TMIGD3: variants seen among roughly 807,000 people sequenced by gnomAD.
TMIGD3 encodes AD026 protein (AD026).
In TMIGD3, 21 loss-of-function variants were observed where a neutral mutation model predicts 28.1. The ratio of observed to expected loss-of-function variants is 0.75; its 90% CI spans 0.53 to 1.08. The LOEUF (loss-of-function observed/expected upper bound fraction) is 1.08, where lower values mean the gene tolerates loss of function less well. Among genes scored for constraint, TMIGD3 ranks in the 50% least tolerant of loss-of-function variants. TMIGD3 has a pLI of 0.00. For missense variants in TMIGD3, 416 were observed against 435.6 expected, an observed-to-expected ratio of 0.96 and a Z score of 0.40; for synonymous variants, 151 against 162.1, an observed-to-expected ratio of 0.93 and a Z score of 0.52.
At chr1:111,493,044 ATAACT>A (rs1301443796) in intron 1 of TMIGD3, among the ~76,000 whole-genome samples, 1 of 152,238 alleles carries the variant, frequency 6.6e-6, no homozygotes, top group Non-Finnish European at 1.5e-5. Context: ...TGTAGATGAA[ATAACT>A]TAATATCTAA....
intron 1 of TMIGD3, among the ~76,000 whole-genome samples, chr1:111,502,201 AAATATATAGGATATATATTTATTATAATG>A (rs1655243699): frequency 1.3e-4 from 3 of 23,162 alleles, no homozygotes; most frequent in African/African-American, 3.7e-4. Flanking sequence ...ATATTATAAT[AAATATATAGGATATATATTTATTATAATG>A]AATATATAGG....
In TMIGD3 at chr1:111,503,082, A is replaced by T. The variant is rs1655333376; in HGVS notation, c.273T>A (p.Leu91=). Residue 91 remains leucine (L), a synonymous_variant, in exon 1 of 6, where the codon CTT becomes CTA. Transcript: ENST00000369716. ...YSCLFMTCLL[L]IFTHASIMSL... is the part of the protein sequence containing the mutation. ...ACATGATGGAGGCGTGGGTAAAGAT[A>T]AGCAGTAGGCAAGTCATAAAAAGGC... 6.2e-7 allele frequency: 1 copy of T among 1,614,108 alleles called. No homozygotes were observed. The highest frequency in any genetic ancestry group is 1.3e-5 in the African/African-American group (1 of 74,934).
chr1:111,513,399 A>G (rs979177636), intron 1 of TMIGD3, among the ~76,000 whole-genome samples: 2 of 152,254 alleles, frequency 1.3e-5, no homozygotes, highest in Non-Finnish European at 2.9e-5. Flanking sequence ...TTTAATTTGC[A>G]TTACATTTAT....
chr1:111,562,692 C>A (rs764411359), intron 1 of TMIGD3, among the ~76,000 whole-genome samples: 4 of 152,194 alleles, frequency 2.6e-5, no homozygotes, highest in Non-Finnish European at 5.9e-5. Context: ...CATTGTGAAT[C>A]CAAGAAAATA....
intron 1 of TMIGD3, among the ~76,000 whole-genome samples, chr1:111,553,799 C>A (rs1657373074): frequency 6.6e-6 from 1 of 152,136 alleles, no homozygotes; most frequent in East Asian, 1.9e-4. Context: ...CCTATTTAGT[C>A]AACTCAAATC....
intron 1 of TMIGD3, among the ~76,000 whole-genome samples, chr1:111,520,812 A>C (rs1277293422): frequency 6.6e-6 from 1 of 152,236 alleles, no homozygotes; most frequent in Non-Finnish European, 1.5e-5. Flanking sequence ...TAGTAATCTG[A>C]AATGAATTCT....
chr1:111,543,742 G>A (rs1173699622), intron 1 of TMIGD3, among the ~76,000 whole-genome samples: 1 of 151,818 alleles, frequency 6.6e-6, no homozygotes, highest in African/African-American at 2.4e-5. Context: ...GAAGAGGAGG[G>A]AAGAAGCCCT....
At chr1:111,529,658 C>T (rs561803333) in intron 1 of TMIGD3, among the ~76,000 whole-genome samples, 1 of 151,200 alleles carries the variant, frequency 6.6e-6, no homozygotes, top group African/African-American at 2.4e-5. Context: ...GGATACAGCA[C>T]ATGTTTCAGA....
Position 111,490,713 on chromosome 1 carries a change from C to G in TMIGD3, c.400G>C (p.Val134Leu). The G allele has an allele frequency of 6.2e-7, 1 of 1,614,098 alleles. No individual in the cohort carries two copies. Among genetic ancestry groups the G allele is most frequent in the Non-Finnish European group, 8.5e-7 (1 of 1,180,028 alleles). ...PGCILSFQLK[V>L]CFLPVMWLFI... The stretch of plus-strand genomic sequence containing the variant: ...AGCCACATGACTGGAAGGAAGCAAA[C>G]TTTCAACTGGAATGATAGAATGCAC... Residue 134 changes from valine to leucine, a missense_variant, in exon 2 of 6, where the codon GTT becomes CTT. Coordinates refer to ENST00000369716, the MANE Select transcript of TMIGD3 (RefSeq NM_020683.7).
At chr1:111,559,083 A>T (rs531350403) in intron 1 of TMIGD3, among the ~76,000 whole-genome samples, 2 of 152,184 alleles carry the variant, frequency 1.3e-5, no homozygotes, top group African/African-American at 4.8e-5. Context: ...TTTAAAAAAC[A>T]TGTATTTAAA....
At chr1:111,486,226 C>T (rs1024567098) in intron 4 of TMIGD3, among the ~76,000 whole-genome samples, 6 of 152,124 alleles carry the variant, frequency 3.9e-5, no homozygotes, top group African/African-American at 1.2e-4. Context: ...CACACAGATT[C>T]GAAGCAGATT....
chr1:111,530,389 CTATA>C (rs1656420759), intron 1 of TMIGD3, among the ~76,000 whole-genome samples: 1 of 151,536 alleles, frequency 6.6e-6, no homozygotes, highest in South Asian at 2.1e-4. Context: ...TTATATTTAC[CTATA>C]TATTTACCAT....
intron 1 of TMIGD3, among the ~76,000 whole-genome samples, chr1:111,502,164 T>A (rs1400358475): frequency 3.1e-5 from 1 of 32,460 alleles, no homozygotes; most frequent in Non-Finnish European, 7.3e-5. Context: ...GGATATATAT[T>A]TATTATAATA....
intron 1 of TMIGD3, among the ~76,000 whole-genome samples, chr1:111,559,013 C>T (rs1261870161): frequency 6.6e-6 from 1 of 152,034 alleles, no homozygotes; most frequent in African/African-American, 2.4e-5. Context: ...TCCCAGAGAC[C>T]AAGTTCTCTG....
intron 1 of TMIGD3, chr1:111,500,472 G>C: frequency 6.2e-7 from 1 of 1,614,142 alleles, no homozygotes; most frequent in Non-Finnish European, 8.5e-7. Context: ...AGCCAAACAT[G>C]GGGGTCAATC....
chr1:111,506,330 T>G (rs770144682), upstream of TMIGD3, among the ~76,000 whole-genome samples: 1 of 152,202 alleles, frequency 6.6e-6, no homozygotes, highest in Non-Finnish European at 1.5e-5. Context: ...ATTGGGTATA[T>G]AAGGAAACAA....
At chr1:111,506,794 A>G (rs1398326953), upstream of TMIGD3, among the ~76,000 whole-genome samples, 1 of 151,912 alleles carries the variant, frequency 6.6e-6, no homozygotes, top group Non-Finnish European at 1.5e-5. Flanking sequence ...AGATGACTGC[A>G]TGAGCAGGTC....
intron 1 of TMIGD3, among the ~76,000 whole-genome samples, chr1:111,558,325 G>A (rs374982004): frequency 2.0e-5 from 3 of 150,932 alleles, no homozygotes; most frequent in African/African-American, 4.9e-5. Flanking sequence ...CTACAGGCAC[G>A]TGCCACCACT....
At position 111,503,257 on chromosome 1, in the gene TMIGD3, A is replaced by C. The variant is rs1474636104; in HGVS notation, c.98T>G (p.Val33Gly). Reference protein sequence around the residue: ...GLCAIVGNVLVICVVKLNPSL... With the variant: ...GLCAIVGNVLGICVVKLNPSL... The stretch of plus-strand genomic sequence containing the variant: ...GGGGTTCAGCTTGACCACGCAGATG[A>C]CCAGCACGTTGCCCACTATGGCGCA... Residue 33 changes from valine to glycine, a missense_variant, in exon 1 of 6, where the codon GTC becomes GGC. By Grantham distance (109) the Val-to-Gly change is moderately radical. Transcript: ENST00000369716. 1 of 1,614,234 alleles carries C rather than the reference A, an allele frequency of 6.2e-7. No homozygotes were observed.
Sources: gnomAD v4.1 joint callset for allele counts (sites outside exome capture counted in the v4.1 genomes callset) on GRCh38, gnomAD v4.1.1 for gene constraint, MANE v1.5 for transcripts, NCBI Gene and HGNC (gene_info 2026-07-23, HGNC 2026-07-21) for gene names.